Variants in VGLL1 observed in about 807,000 individuals in gnomAD.
VGLL1 encodes vestigial like family member 1.
VGLL1 carries 4 observed loss-of-function variants against 12.0 expected under a neutral mutation model. The ratio of observed to expected loss-of-function variants is 0.33; its 90% confidence interval spans 0.16 to 0.76. The LOEUF is 0.76. Among genes scored for constraint, VGLL1 ranks in the 30% least tolerant of loss-of-function variants. The pLI, the probability that VGLL1 is intolerant of heterozygous loss-of-function variation, is 0.60. For missense variants in VGLL1, 204 were observed against 208.7 expected (o/e 0.98, Z 0.14); for synonymous variants, 87 against 81.2 (o/e 1.07, Z -0.39).
At chrX:136,532,613 CT>C (rs1338251859) in intron 1 of VGLL1, among the ~76,000 whole-genome samples, 1 of 89,466 alleles carries the variant, frequency 1.1e-5, no homozygotes, top group African/African-American at 4.2e-5. Context: ...TTCTTTCTTT[CT>C]TTCTTTCTTT....
chrX:136,548,943 G>A lies in VGLL1; in HGVS notation c.569G>A (p.Gly190Asp), dbSNP rs1451195265. The A allele has an allele frequency of 8.3e-7, 1 of 1,210,558 alleles. No homozygotes were observed. Among genetic ancestry groups the A allele is most frequent in the Non-Finnish European group, 1.1e-6 (1 of 895,346 alleles). Residue 190 changes from glycine to aspartate, a missense_variant, in exon 3 of 5, where the codon GGC becomes GAC. Gly to Asp is a moderately conservative substitution (Grantham distance 94). Coordinates refer to ENST00000370634, the MANE Select transcript of VGLL1 (RefSeq NM_016267.4). ...CAGGAATCTGCCGCCAGGGAGAATG[G>A]CAACCCTGGCCAGATAGCTGGAAGC... is the stretch of plus-strand genomic sequence containing the variant. ...RPQESAAREN[G>D]NPGQIAGSTG... is the part of the protein sequence containing the mutation.
intron 2 of VGLL1, among the ~76,000 whole-genome samples, chrX:136,538,243 T>C (rs1334741712): frequency 8.0e-5 from 9 of 112,432 alleles, no homozygotes; most frequent in Non-Finnish European, 1.7e-4. Context: ...CACTTTTGTC[T>C]TCATGGACCT....
At position 136,556,421 on chromosome X, in the gene VGLL1, C is replaced by G. The variant is rs112678338; in HGVS notation, c.689-30C>G. 4.2e-6 allele frequency: 5 copies of G among 1,178,517 alleles called. No individual in the cohort carries two copies. In the Admixed American group the frequency reaches 1.1e-4, roughly 26 times the overall value. On this transcript the variant is annotated intron_variant, in intron 4 of 4. Transcript: ENST00000370634. ...CAGCCTTCCATAGGGGCCTAACTGG[C>G]TTTCATTAACCATGTAACTTCTCCT...
At chrX:136,555,681 C>A (rs2148534403) in intron 4 of VGLL1, among the ~76,000 whole-genome samples, 1 of 111,795 alleles carries the variant, frequency 8.9e-6, no homozygotes, top group South Asian at 3.8e-4. Flanking sequence ...TGTGAGGAGA[C>A]TAAAAAGTAC....
Position 136,556,722 on chromosome X carries a change from A to G in VGLL1, c.*183A>G, listed in dbSNP as rs1462512898. On this transcript the variant is annotated 3_prime_UTR_variant, in exon 5 of 5. Transcript: ENST00000370634. ...AAAATCCCAGAAGCCCCCGCTGTCA[A>G]TGTTCCCCATCCACACCCTGCTTGC... is the stretch of plus-strand genomic sequence containing the variant. 4.9e-6 allele frequency: 2 copies of G among 408,945 alleles called. No individual in the cohort carries two copies. Among genetic ancestry groups the G allele is most frequent in the East Asian group, 4.0e-5 (1 of 25,300 alleles). The allele number at this position is 408,945 out of a possible 1,213,427, so 33.7% of individuals were successfully genotyped here. A position where few individuals can be genotyped will look rare whatever the true frequency, so the allele number is the denominator to read the frequency against.
chrX:136,534,945 T>G (rs1200305946), intron 1 of VGLL1, among the ~76,000 whole-genome samples: 3 of 112,114 alleles, frequency 2.7e-5, no homozygotes, highest in African/African-American at 9.7e-5. Flanking sequence ...TCTATTAAAC[T>G]CTAGTCATTT....
At chrX:136,545,637 C>T (rs1324221551) in intron 2 of VGLL1, among the ~76,000 whole-genome samples, 1 of 111,529 alleles carries the variant, frequency 9.0e-6, no homozygotes. Flanking sequence ...GAGGGAAGGC[C>T]TTTCTGAAAG....
chrX:136,537,797 C>T (rs764562897), intron 2 of VGLL1, among the ~76,000 whole-genome samples: 2 of 109,226 alleles, frequency 1.8e-5, no homozygotes, highest in Non-Finnish European at 3.8e-5. Context: ...GATTCCTGAC[C>T]TCGAGCGATC....
At chrX:136,535,858 T>A (rs779308966) in intron 1 of VGLL1, 138 bp from the exon 2 acceptor site, 1 of 456,586 alleles carries the variant, frequency 2.2e-6, no homozygotes, top group African/African-American at 2.5e-5. Flanking sequence ...CTTTAGGAGC[T>A]ATGTGGCTCC....
chrX:136,550,089 A>G (rs751875809), intron 3 of VGLL1, among the ~76,000 whole-genome samples: 14 of 112,714 alleles, frequency 1.2e-4, no homozygotes, highest in African/African-American at 4.2e-4. Flanking sequence ...TCCCATTAAA[A>G]TACCACTCTG....
intron 4 of VGLL1, among the ~76,000 whole-genome samples, chrX:136,551,966 C>T (rs1300244057): frequency 9.0e-6 from 1 of 110,962 alleles, no homozygotes; most frequent in African/African-American, 3.3e-5. Flanking sequence ...CTACCACAGC[C>T]CCTGATCTCA....
chrX:136,532,910 G>A (rs1158411607), intron 1 of VGLL1, among the ~76,000 whole-genome samples: 1 of 109,232 alleles, frequency 9.2e-6, no homozygotes, highest in African/African-American at 3.3e-5. Context: ...CATCTTCTCT[G>A]GGAGACAGCC....
rs140387689 is a variant in VGLL1 at position 136,549,197 on chromosome X, G to A, written c.634+189G>A. On this transcript the variant is annotated intron_variant, in intron 3 of 4. Transcript: ENST00000370634. Reference sequence around the variant, plus strand: ...CTTCATTGACATTCACAGTTTAATAGCTAAAGGGTTACATAGATAGCCAGC... The same window carrying A: ...CTTCATTGACATTCACAGTTTAATAACTAAAGGGTTACATAGATAGCCAGC... 2.4e-3 allele frequency among the ~76,000 whole-genome samples: 272 copies of A among 111,950 alleles called. 2 individuals carry two copies. The highest frequency in any genetic ancestry group is 4.2e-3 in the Non-Finnish European group (224 of 53,165).
At chrX:136,541,647 G>A (rs1419668454) in intron 2 of VGLL1, among the ~76,000 whole-genome samples, 2 of 111,802 alleles carry the variant, frequency 1.8e-5, no homozygotes, top group Non-Finnish European at 3.8e-5. Context: ...CTACAGACCA[G>A]CACCAGGCCG....
At chrX:136,532,599 TTCTTTCTTTCTTTCTTTCTTTCTTTC>T (rs1166410860) in intron 1 of VGLL1, among the ~76,000 whole-genome samples, 5 of 81,016 alleles carry the variant, frequency 6.2e-5, no homozygotes, top group African/African-American at 2.3e-4. Flanking sequence ...CTTTCTTTCT[TTCTTTCTTTCTTTCTTTCTTTCTTTC>T]TTTCTTTCTT....
At chrX:136,540,385 G>A (rs2075852539) in intron 2 of VGLL1, among the ~76,000 whole-genome samples, 2 of 110,970 alleles carry the variant, frequency 1.8e-5, no homozygotes, top group Non-Finnish European at 1.9e-5. Context: ...TCCTGCCTCA[G>A]GCCTGCCCTT....
intron 2 of VGLL1, among the ~76,000 whole-genome samples, chrX:136,547,143 C>G (rs1217437691): frequency 2.7e-5 from 3 of 112,232 alleles, no homozygotes; most frequent in Non-Finnish European, 5.6e-5. Flanking sequence ...GACCAGTGTC[C>G]CAGACATCCT....
At chrX:136,533,332 G>A (rs1312729630) in intron 1 of VGLL1, among the ~76,000 whole-genome samples, 1 of 111,004 alleles carries the variant, frequency 9.0e-6, no homozygotes, top group Non-Finnish European at 1.9e-5. Flanking sequence ...CACGGACTGA[G>A]CTCTCCAAGG....
In VGLL1 at chrX:136,536,010, A is replaced by T. The variant is rs1255594100; in HGVS notation, c.-11A>T. 8.3e-7 allele frequency: 1 copy of T among 1,207,871 alleles called. No individual in the cohort carries two copies. On this transcript the variant is annotated 5_prime_UTR_variant, in exon 2 of 5. Transcript: ENST00000370634. ...TTGGTCCACAGCTGTCACCTGTGTC[A>T]TTCACTCACAATGGAAGAAATGAAG...
Sources: allele counts gnomAD v4.1 joint callset (sites outside exome capture counted in the v4.1 genomes callset), GRCh38; gene constraint gnomAD v4.1.1; transcripts MANE v1.5; gene names NCBI Gene and HGNC (gene_info 2026-07-23, HGNC 2026-07-21).